PRH1: variants seen among roughly 807,000 people sequenced by gnomAD.
The protein encoded by PRH1 is salivary acidic proline-rich phosphoprotein 1/2.
Under a neutral mutation model 7.9 loss-of-function variants are expected in PRH1, and 7 were observed. The ratio of observed to expected loss-of-function variants is 0.89; its 90% CI spans 0.50 to 1.67. The LOEUF (loss-of-function observed/expected upper bound fraction) is 1.67, where lower values mean the gene tolerates loss of function less well. Among genes scored for constraint, PRH1 ranks in the 40% most tolerant of loss-of-function variants. The pLI, the probability that PRH1 is intolerant of heterozygous loss-of-function variation, is 0.00. For missense variants in PRH1, 109 were observed against 223.6 expected (o/e 0.49, Z 3.27); for synonymous variants, 45 against 80.8 (o/e 0.56, Z 2.38).
At chr12:10,931,142 T>A in intron 2 of PRH1, 1 of 1,589,034 alleles carries the variant, frequency 6.3e-7, no homozygotes, top group Non-Finnish European at 8.5e-7. Flanking sequence ...AACTTCATTG[T>A]GCCAGTGAAT....
intron 2 of PRH1, among the ~76,000 whole-genome samples, chr12:10,917,230 C>T (rs1949984821): frequency 6.6e-6 from 1 of 151,998 alleles, no homozygotes; most frequent in African/African-American, 2.4e-5. Context: ...TAGTTAATAC[C>T]ACCATGAAAA....
intron 1 of PRH1, among the ~76,000 whole-genome samples, chr12:10,981,487 C>T (rs1396434729): frequency 6.6e-6 from 1 of 150,468 alleles, no homozygotes. Flanking sequence ...GATTCTCATG[C>T]CTCAGCCTCC....
chr12:11,129,869 G>T (rs117331526), intron 1 of PRH1, among the ~76,000 whole-genome samples: 1 of 139,206 alleles, frequency 7.2e-6, no homozygotes, highest in Non-Finnish European at 1.6e-5. Context: ...TAATATTACA[G>T]ACCGGGCCCT....
chr12:10,926,058 T>C (rs1950118179), intron 2 of PRH1, among the ~76,000 whole-genome samples: 1 of 152,170 alleles, frequency 6.6e-6, no homozygotes. Context: ...TAATTAATTG[T>C]GAAATGTATA....
chr12:10,991,138 T>C (rs1163719876), intron 1 of PRH1, among the ~76,000 whole-genome samples: 1 of 152,282 alleles, frequency 6.6e-6, no homozygotes, highest in East Asian at 1.9e-4. Flanking sequence ...ACTAAGGTTA[T>C]GACTAGATGA....
At chr12:11,060,185 T>C (rs2136176504) in intron 1 of PRH1, among the ~76,000 whole-genome samples, 1 of 152,282 alleles carries the variant, frequency 6.6e-6, no homozygotes, top group South Asian at 2.1e-4. Flanking sequence ...AACAAGACTG[T>C]ACATTTCCAT....
chr12:10,898,743 G>A (rs1238232115), intron 2 of PRH1, among the ~76,000 whole-genome samples: 5 of 152,200 alleles, frequency 3.3e-5, no homozygotes, highest in African/African-American at 1.2e-4. Flanking sequence ...GACTCATTGA[G>A]AAGGTGATGT....
Position 11,122,889 on chromosome 12 carries a change from T to C in PRH1, n.40-1709A>G, listed in dbSNP as rs186539970. 1.7e-3 allele frequency among the ~76,000 whole-genome samples: 257 copies of C among 152,346 alleles called. 2 individuals carry two copies. Among genetic ancestry groups the C allele is most frequent in the African/African-American group, 5.8e-3 (241 of 41,586 alleles). ...TGTAACCATTATGTAGGGCGAGACATGGAACATTGCTAAGAGGCTAGGTTT... is the reference window on the plus strand; with the variant it reads ...TGTAACCATTATGTAGGGCGAGACACGGAACATTGCTAAGAGGCTAGGTTT... On this transcript the variant is annotated intron_variant and non_coding_transcript_variant, in intron 1 of 1. Transcript: ENST00000541175.
At chr12:11,059,523 T>C (rs913589323) in intron 1 of PRH1, among the ~76,000 whole-genome samples, 9 of 152,148 alleles carry the variant, frequency 5.9e-5, no homozygotes, top group African/African-American at 2.2e-4. Flanking sequence ...GAAAATATCA[T>C]AATACAAATA....
chr12:11,110,474 A>G (rs566841669), intron 1 of PRH1, among the ~76,000 whole-genome samples: 1 of 152,376 alleles, frequency 6.6e-6, no homozygotes, highest in African/African-American at 2.4e-5. Context: ...ATCTCCTGGC[A>G]GAAACCCTAC....
At chr12:10,960,422 C>T (rs1250140065) in intron 2 of PRH1, among the ~76,000 whole-genome samples, 3 of 152,222 alleles carry the variant, frequency 2.0e-5, no homozygotes, top group Middle Eastern at 3.2e-3. Flanking sequence ...AAACTTAAAT[C>T]GCACTTGCAG....
intron 2 of PRH1, among the ~76,000 whole-genome samples, chr12:10,903,528 C>G (rs1439483451): frequency 6.6e-6 from 1 of 151,848 alleles, no homozygotes; most frequent in Non-Finnish European, 1.5e-5. Context: ...GAACATACCT[C>G]AAAATAATAA....
chr12:11,020,423 T>C (rs1054736054), intron 1 of PRH1, among the ~76,000 whole-genome samples: 1 of 146,620 alleles, frequency 6.8e-6, no homozygotes, highest in African/African-American at 2.5e-5. Flanking sequence ...TACATAGATA[T>C]ATATATGATG....
At chr12:11,023,475 T>G (rs762945778) in intron 1 of PRH1, among the ~76,000 whole-genome samples, 5 of 152,190 alleles carry the variant, frequency 3.3e-5, no homozygotes, top group African/African-American at 4.8e-5. Context: ...TTCAGCAATT[T>G]TGTAAATATT....
chr12:11,034,533 T>TG (rs758383968), intron 1 of PRH1, among the ~76,000 whole-genome samples: 2 of 107,870 alleles, frequency 1.9e-5, no homozygotes, highest in African/African-American at 7.2e-5. Context: ...ATTATTATTT[T>TG]CTAAACATTC....
In PRH1 at chr12:10,977,780, C is replaced by A. The variant is rs1939171462; in HGVS notation, c.-125-4059G>T. Among the ~76,000 whole-genome samples, 3 of 151,876 alleles carry A rather than the reference C, an allele frequency of 2.0e-5. No homozygotes were observed. In the South Asian group the frequency reaches 6.2e-4, roughly 32 times the overall value. On this transcript the variant is annotated intron_variant, in intron 1 of 3. Coordinates refer to the PRH1 transcript ENST00000539853. ...TATATCAACAACATCCAAACAGAGA[C>A]AAATAAAGAAAGCAATCCCTTTCAC...
intron 1 of PRH1, among the ~76,000 whole-genome samples, chr12:11,026,502 A>G (rs1941925480): frequency 6.9e-6 from 1 of 145,624 alleles, no homozygotes; most frequent in Non-Finnish European, 1.5e-5. Context: ...AAAGGACATT[A>G]TTATAGCAGG....
chr12:11,134,384 G>T (rs930834600), intron 1 of PRH1: 42 of 1,086,942 alleles, frequency 3.9e-5, no homozygotes, highest in Non-Finnish European at 4.9e-5. Flanking sequence ...TAATTGCTGT[G>T]ACCAGTGTCA....
chr12:10,939,174 C>G, intron 2 of PRH1: 2 of 1,594,938 alleles, frequency 1.3e-6, no homozygotes, highest in Non-Finnish European at 1.7e-6. Context: ...ACAATTAAAA[C>G]GAATGTAAAT....
Sources: gnomAD v4.1 joint callset for allele counts (sites outside exome capture counted in the v4.1 genomes callset) on GRCh38, gnomAD v4.1.1 for gene constraint, MANE v1.5 for transcripts, NCBI Gene and HGNC (gene_info 2026-07-23, HGNC 2026-07-21) for gene names.